The following MACROD2 variants were observed in gnomAD, a reference collection of about 807,000 sequenced individuals.
MACROD2 encodes the protein mono-ADP ribosylhydrolase 2.
In MACROD2, 36 loss-of-function variants were observed where a neutral mutation model predicts 70.4. The observed-to-expected ratio is 0.51, with a 90% CI of 0.39 to 0.68. The LOEUF is 0.68. MACROD2 is among the 30% of genes least tolerant of loss of function. The pLI is 0.00. For synonymous variants in MACROD2, 172 were observed against 178.8 expected (o/e 0.96, Z 0.30); for missense variants, 496 against 538.4 (o/e 0.92, Z 0.78).
At chr20:14,626,451 C>T (rs750932576) in intron 4 of MACROD2, among the ~76,000 whole-genome samples, 34 of 152,252 alleles carry the variant, frequency 2.2e-4, no homozygotes, top group Admixed American at 3.9e-4. Flanking sequence ...CAGGAACCAA[C>T]AGAAAAGGAA....
chr20:14,741,823 C>T (rs1358031729), intron 5 of MACROD2, among the ~76,000 whole-genome samples: 3 of 151,710 alleles, frequency 2.0e-5, no homozygotes, highest in Non-Finnish European at 4.4e-5. Context: ...AAAATGAGCC[C>T]ATTGGATTAA....
rs189476138 is a variant in MACROD2 at position 15,040,723 on chromosome 20, T to A, written c.419-189217T>A. 2.0e-5 allele frequency among the ~76,000 whole-genome samples: 3 copies of A among 152,346 alleles called. No homozygotes were observed. In the East Asian group the frequency reaches 5.8e-4, roughly 29 times the overall value. The stretch of plus-strand genomic sequence containing the variant: ...ACATTGTTCAGCAGATGGCTTTATA[T>A]AAAGTTATTTTGTTTGCTATTAAGC... On this transcript the variant is annotated intron_variant, in intron 5 of 17. Transcript: ENST00000684519.
At chr20:15,557,856 T>C (rs1041460259) in intron 8 of MACROD2, among the ~76,000 whole-genome samples, 6 of 152,142 alleles carry the variant, frequency 3.9e-5, no homozygotes, top group African/African-American at 1.4e-4. Flanking sequence ...ATCTGGCACA[T>C]TTTGCTCCTT....
chr20:15,530,189 G>C (rs13043406), intron 8 of MACROD2, among the ~76,000 whole-genome samples: 16,526 of 152,114 alleles, frequency 0.11, 978 homozygotes, highest in Admixed American at 0.17. Context: ...AACCTTAAGA[G>C]ATATGAAAGT....
chr20:15,520,974 C>T (rs1379869535), intron 8 of MACROD2, among the ~76,000 whole-genome samples: 2 of 152,216 alleles, frequency 1.3e-5, no homozygotes, highest in African/African-American at 4.8e-5. Flanking sequence ...TTCTGTTTCT[C>T]ATCAGATACA....
chr20:15,713,270 C>G (rs73244548), intron 8 of MACROD2, among the ~76,000 whole-genome samples: 2,435 of 152,304 alleles, frequency 0.016, 60 homozygotes, highest in African/African-American at 0.055. Context: ...ATACAAGATG[C>G]TCCGATCAGC....
intron 3 of MACROD2, among the ~76,000 whole-genome samples, chr20:14,254,917 A>G (rs909741788): frequency 5.3e-5 from 8 of 151,764 alleles, no homozygotes; most frequent in African/African-American, 1.9e-4. Flanking sequence ...TTCCTTCAGG[A>G]GCTCTTTTAG....
At chr20:14,004,510 A>C (rs2052783441) in intron 2 of MACROD2, among the ~76,000 whole-genome samples, 1 of 152,102 alleles carries the variant, frequency 6.6e-6, no homozygotes, top group Non-Finnish European at 1.5e-5. Flanking sequence ...TTCCTTTTTC[A>C]TGAAGTGGAA....
At chr20:15,519,098 CCTTCCTTCCTTCCTTCCTTCCTTT>C (rs1229895502) in intron 8 of MACROD2, among the ~76,000 whole-genome samples, 11 of 147,018 alleles carry the variant, frequency 7.5e-5, no homozygotes, top group Admixed American at 2.1e-4. Flanking sequence ...TTCCTTCCTT[CCTTCCTTCCTTCCTTCCTTCCTTT>C]CTTTCTTTCT....
chr20:15,568,113 A>G (rs749841379), intron 8 of MACROD2, among the ~76,000 whole-genome samples: 1 of 152,196 alleles, frequency 6.6e-6, no homozygotes, highest in Non-Finnish European at 1.5e-5. Flanking sequence ...ATTTCTACAT[A>G]GGAAAAGCCC....
intron 5 of MACROD2, among the ~76,000 whole-genome samples, chr20:15,121,945 G>T (rs1261417452): frequency 6.6e-6 from 1 of 152,116 alleles, no homozygotes; most frequent in Admixed American, 6.6e-5. Context: ...AAATAAATTT[G>T]TGGGTGGGGG....
intron 5 of MACROD2, among the ~76,000 whole-genome samples, chr20:14,740,550 TA>T (rs2071720666): frequency 1.3e-5 from 2 of 152,200 alleles, no homozygotes; most frequent in South Asian, 4.1e-4. Context: ...ATATGTGAAT[TA>T]TTTCATGTTT....
chr20:15,047,763 A>G (rs1056564082), intron 5 of MACROD2, among the ~76,000 whole-genome samples: 6 of 152,068 alleles, frequency 3.9e-5, no homozygotes, highest in African/African-American at 1.4e-4. Context: ...CTTTTATTAC[A>G]GTGTGATTAG....
intron 3 of MACROD2, among the ~76,000 whole-genome samples, chr20:14,291,610 A>G (rs905714033): frequency 6.6e-6 from 1 of 151,894 alleles, no homozygotes; most frequent in Non-Finnish European, 1.5e-5. Context: ...TGTTTTCATG[A>G]TCAACAAGTT....
chr20:15,744,291 T>G (rs2051147667), intron 8 of MACROD2, among the ~76,000 whole-genome samples: 1 of 152,180 alleles, frequency 6.6e-6, no homozygotes, highest in Non-Finnish European at 1.5e-5. Context: ...GCTCTTATAT[T>G]AATAACATAA....
At chr20:15,542,581 A>C (rs1467377463) in intron 8 of MACROD2, among the ~76,000 whole-genome samples, 1 of 152,184 alleles carries the variant, frequency 6.6e-6, no homozygotes, top group African/African-American at 2.4e-5. Flanking sequence ...ATAGAGTCTT[A>C]AAAGAAGATT....
chr20:15,965,118 T>C (rs1349166484), intron 12 of MACROD2, among the ~76,000 whole-genome samples: 2 of 152,226 alleles, frequency 1.3e-5, no homozygotes, highest in African/African-American at 4.8e-5. Flanking sequence ...TAATGTGTTA[T>C]AGTGCATCTG....
chr20:15,577,396 G>A (rs921348561), intron 8 of MACROD2, among the ~76,000 whole-genome samples: 2 of 151,850 alleles, frequency 1.3e-5, no homozygotes, highest in Admixed American at 6.6e-5. Context: ...ATCCCAGTGC[G>A]TATGTACCTC....
At chr20:15,628,170 T>A (rs1234586503) in intron 8 of MACROD2, among the ~76,000 whole-genome samples, 1 of 152,226 alleles carries the variant, frequency 6.6e-6, no homozygotes, top group Non-Finnish European at 1.5e-5. Context: ...TTATGTATTG[T>A]GTACTTTCAA....
Sources: gnomAD v4.1 joint callset for allele counts (sites outside exome capture counted in the v4.1 genomes callset) on GRCh38, gnomAD v4.1.1 for gene constraint, MANE v1.5 for transcripts, NCBI Gene and HGNC (gene_info 2026-07-23, HGNC 2026-07-21) for gene names.